PDZRN3: variants seen among roughly 807,000 people sequenced by gnomAD.
PDZRN3 encodes the protein E3 ubiquitin-protein ligase PDZRN3.
PDZRN3 carries 38 observed loss-of-function variants against 85.7 expected under a neutral mutation model. The ratio of observed to expected loss-of-function variants is 0.44; its 90% CI spans 0.34 to 0.58. PDZRN3 has a LOEUF of 0.58. Ranked by LOEUF, PDZRN3 falls within the 20% of genes least tolerant of loss-of-function variation. PDZRN3 has a pLI of 0.01. For synonymous variants in PDZRN3, 759 were observed against 638.0 expected (o/e 1.19, Z -2.86); for missense variants, 1,629 against 1,506.4 (o/e 1.08, Z -1.35).
chr3:73,402,724 A>G (rs2106724280), intron 4 of PDZRN3, among the ~76,000 whole-genome samples: 1 of 152,290 alleles, frequency 6.6e-6, no homozygotes, highest in African/African-American at 2.4e-5. Flanking sequence ...ACTGAACCAT[A>G]GGAAACATGT....
At chr3:73,601,337 G>T (rs1249612489) in intron 3 of PDZRN3, among the ~76,000 whole-genome samples, 1 of 152,164 alleles carries the variant, frequency 6.6e-6, no homozygotes, top group Non-Finnish European at 1.5e-5. Flanking sequence ...AATAGGCCAT[G>T]AAAATACTCA....
intron 3 of PDZRN3, among the ~76,000 whole-genome samples, chr3:73,518,524 A>G (rs977385098): frequency 6.6e-6 from 1 of 152,194 alleles, no homozygotes; most frequent in African/African-American, 2.4e-5. Context: ...ATATTTTACC[A>G]CAATAATTTT....
In PDZRN3 at chr3:73,400,980, G is replaced by T. The variant is rs202078827; in HGVS notation, c.1196C>A (p.Pro399Gln). ...EHPSAHEYYD[P>Q]NDYIGDIHQE... ...ATGGATGTCTCCAATGTAGTCATTT[G>T]GATCGTAGTATTCATGGGCTGAGGG... is the stretch of plus-strand genomic sequence containing the variant. The change falls in exon 5 of 10, where the codon CCA (proline) becomes CAA (glutamine). Residue 399 changes from proline (P) to glutamine (Q), a missense_variant. Transcript: ENST00000263666. 1 of 1,613,514 alleles carries T rather than the reference G, an allele frequency of 6.2e-7. No individual in the cohort carries two copies. The highest frequency in any genetic ancestry group is 8.5e-7 in the Non-Finnish European group (1 of 1,179,422).
At chr3:73,575,720 C>T (rs1291364454) in intron 3 of PDZRN3, among the ~76,000 whole-genome samples, 1 of 152,148 alleles carries the variant, frequency 6.6e-6, no homozygotes, top group African/African-American at 2.4e-5. Context: ...AACTCTGCAG[C>T]CATCAGATGA....
chr3:73,459,170 T>C (rs963936710), intron 3 of PDZRN3, among the ~76,000 whole-genome samples: 2 of 151,900 alleles, frequency 1.3e-5, no homozygotes, highest in Non-Finnish European at 1.5e-5. Context: ...TATAAAACCA[T>C]CAGATCTCCT....
intron 7 of PDZRN3, among the ~76,000 whole-genome samples, chr3:73,389,446 G>C (rs1181077480): frequency 6.6e-6 from 1 of 152,212 alleles, no homozygotes; most frequent in African/African-American, 2.4e-5. Context: ...ATCTTTCAGA[G>C]AAATCTAAAA....
intron 3 of PDZRN3, among the ~76,000 whole-genome samples, chr3:73,542,951 A>C (rs1381980072): frequency 6.6e-6 from 1 of 152,188 alleles, no homozygotes; most frequent in Non-Finnish European, 1.5e-5. Flanking sequence ...TTGCCACAGC[A>C]AAAGATACTT....
At chr3:73,545,272 G>GAAATAAAGCTAT (rs1701396411) in intron 3 of PDZRN3, among the ~76,000 whole-genome samples, 5 of 152,134 alleles carry the variant, frequency 3.3e-5, no homozygotes, top group Non-Finnish European at 7.3e-5. Flanking sequence ...GCCTCCATAG[G>GAAATAAAGCTAT]TGATAATAAC....
At chr3:73,503,041 T>A (rs777271719) in intron 3 of PDZRN3, among the ~76,000 whole-genome samples, 5 of 152,282 alleles carry the variant, frequency 3.3e-5, no homozygotes, top group Non-Finnish European at 7.3e-5. Flanking sequence ...AATATTATAC[T>A]ATCATGGATA....
intron 3 of PDZRN3, among the ~76,000 whole-genome samples, chr3:73,512,702 C>G (rs1374612635): frequency 6.6e-6 from 1 of 152,072 alleles, no homozygotes; most frequent in Non-Finnish European, 1.5e-5. Flanking sequence ...CTTAGAAAAG[C>G]TTTAATATAA....
intron 3 of PDZRN3, among the ~76,000 whole-genome samples, chr3:73,415,819 C>A (rs1189626941): frequency 6.6e-6 from 1 of 152,022 alleles, no homozygotes; most frequent in Non-Finnish European, 1.5e-5. Flanking sequence ...TTAAGGAACA[C>A]CTGTACATAT....
At chr3:73,408,165 A>T in intron 3 of PDZRN3, 1 of 703,376 alleles carries the variant, frequency 1.4e-6, no homozygotes, top group Non-Finnish European at 2.6e-6. Flanking sequence ...TCAGAGGTGG[A>T]GTGTGCAGGG....
At chr3:73,488,176 T>A (rs1220916568) in intron 3 of PDZRN3, among the ~76,000 whole-genome samples, 3 of 152,172 alleles carry the variant, frequency 2.0e-5, no homozygotes, top group Non-Finnish European at 2.9e-5. Flanking sequence ...AACTAAAATG[T>A]AAATTTTTCT....
intron 3 of PDZRN3, among the ~76,000 whole-genome samples, chr3:73,419,028 G>A (rs1311922869): frequency 6.6e-6 from 1 of 152,034 alleles, no homozygotes; most frequent in East Asian, 1.9e-4. Flanking sequence ...AACTTCACAG[G>A]GGCACAGCAA....
chr3:73,388,927 A>T (rs938857658), intron 7 of PDZRN3, among the ~76,000 whole-genome samples: 1 of 100,288 alleles, frequency 1.0e-5, no homozygotes, highest in African/African-American at 4.4e-5. Context: ...AAACTCCAGC[A>T]ATCAAAAAAA....
At chr3:73,555,880 C>G (rs1302803673) in intron 3 of PDZRN3, among the ~76,000 whole-genome samples, 2 of 152,182 alleles carry the variant, frequency 1.3e-5, no homozygotes, top group African/African-American at 4.8e-5. Context: ...CCTTCCACAT[C>G]CTTATTGTTC....
intron 3 of PDZRN3, among the ~76,000 whole-genome samples, chr3:73,509,281 A>C (rs974050484): frequency 6.6e-6 from 1 of 152,222 alleles, no homozygotes; most frequent in African/African-American, 2.4e-5. Context: ...GGATGGTCTC[A>C]GGGCAACACG....
At chr3:73,417,835 T>A (rs1221540383) in intron 3 of PDZRN3, among the ~76,000 whole-genome samples, 5 of 152,180 alleles carry the variant, frequency 3.3e-5, no homozygotes, top group African/African-American at 9.7e-5. Flanking sequence ...AAGCTATCTA[T>A]CTCCATTGAA....
In PDZRN3 at chr3:73,383,593, C is replaced by G; in HGVS notation, c.2973G>C (p.Arg991=). The G allele has an allele frequency of 6.2e-7, 1 of 1,614,088 alleles. No homozygotes were observed. Among genetic ancestry groups the G allele is most frequent in the Non-Finnish European group, 8.5e-7 (1 of 1,180,034 alleles). The change falls in exon 10 of 10, where the codon CGG becomes CGC. Residue 991 remains arginine, a synonymous_variant. Transcript: ENST00000263666. ...ACCTGCTCTGCATCATGAACTCGCG[C>G]CGCCGCCGCTGCTCCTTGGCCTTCA... The part of the protein sequence containing the change: ...HLVKAKEQRR[R]REFMMQSRLD...
Sources: allele counts gnomAD v4.1 joint callset (sites outside exome capture counted in the v4.1 genomes callset), GRCh38; gene constraint gnomAD v4.1.1; transcripts MANE v1.5; gene names NCBI Gene and HGNC (gene_info 2026-07-23, HGNC 2026-07-21).